Variants in ZSCAN25 observed in about 807,000 individuals in gnomAD.
ZSCAN25 encodes zinc finger and SCAN domain containing 25, also known as zinc finger and SCAN domain-containing protein 25.
Under a neutral mutation model 38.7 loss-of-function variants are expected in ZSCAN25, and 27 were observed. The ratio of observed to expected loss-of-function variants is 0.70; its 90% CI spans 0.51 to 0.96. The LOEUF is 0.96. ZSCAN25 is among the 40% of genes least tolerant of loss of function. The probability of loss-of-function intolerance (pLI) is 0.00; values close to 1 mark genes in which losing one functional copy is unlikely to be tolerated. For synonymous variants in ZSCAN25, 273 were observed against 277.7 expected, an observed-to-expected ratio of 0.98 and a Z score of 0.17; for missense variants, 637 against 705.9, an observed-to-expected ratio of 0.90 and a Z score of 1.11.
the ZSCAN25 span, chr7:99,652,423 T>A: frequency 6.7e-5 from 41 of 613,388 alleles, no homozygotes; most frequent in East Asian, 1.2e-4. Context: ...TAATTATCAC[T>A]TTTTTGTGAT....
Position 99,629,701 on chromosome 7 carries a change from G to C in ZSCAN25, c.1316G>C (p.Ser439Thr), listed in dbSNP as rs1437018007. ...KPYKCGDCWK[S>T]FSRRQHLQVH... ...TACAAGTGCGGGGACTGCTGGAAGAGCTTCAGCCGCAGGCAGCACCTGCAG... is the reference window on the plus strand; with the variant it reads ...TACAAGTGCGGGGACTGCTGGAAGACCTTCAGCCGCAGGCAGCACCTGCAG... Residue 439 changes from serine to threonine, a missense_variant, in exon 8 of 8, where the codon AGC (serine) becomes ACC (threonine). Physicochemically the swap from Ser to Thr is moderately conservative, Grantham distance 58. Coordinates refer to ENST00000394152, the MANE Select transcript of ZSCAN25 (RefSeq NM_145115.3). The surrounding 1 kb of genome is among the most constrained non-coding windows in gnomAD (Gnocchi z 5.6). The C allele has an allele frequency of 6.2e-7, 1 of 1,613,876 alleles. No individual in the cohort carries two copies. Among genetic ancestry groups the C allele is most frequent in the Non-Finnish European group, 8.5e-7 (1 of 1,180,026 alleles).
the ZSCAN25 span, among the ~76,000 whole-genome samples, chr7:99,723,158 T>C: frequency 6.6e-6 from 1 of 152,170 alleles, no homozygotes. Flanking sequence ...GTTTCAGGCC[T>C]CTTAGCCCAA....
downstream of ZSCAN25, among the ~76,000 whole-genome samples, chr7:99,634,722 G>C (rs570750804): frequency 2.0e-5 from 3 of 152,292 alleles, no homozygotes; most frequent in South Asian, 6.2e-4. Flanking sequence ...GTGTGAACCC[G>C]GGAGGCGGAG....
At chr7:99,674,038 C>T in the ZSCAN25 span, among the ~76,000 whole-genome samples, 1 of 152,098 alleles carries the variant, frequency 6.6e-6, no homozygotes, top group African/African-American at 2.4e-5. Context: ...TTAACCCTGA[C>T]AAATAAATCC....
chr7:99,626,149 G>C (rs989364646), intron 7 of ZSCAN25, among the ~76,000 whole-genome samples: 4 of 152,240 alleles, frequency 2.6e-5, no homozygotes, highest in Non-Finnish European at 5.9e-5. Context: ...AAGGACTGGA[G>C]CAAGAACTCA....
chr7:99,713,600 G>A, the ZSCAN25 span: 1 of 1,608,920 alleles, frequency 6.2e-7, no homozygotes. Context: ...TTAATCAGAA[G>A]TGCAGTCCTC....
At chr7:99,665,300 TA>T in the ZSCAN25 span, 3 of 1,614,186 alleles carry the variant, frequency 1.9e-6, no homozygotes, top group Non-Finnish European at 2.5e-6. Flanking sequence ...ATCCATGCTG[TA>T]GGCCCCAAAG....
chr7:99,646,687 C>T, the ZSCAN25 span, among the ~76,000 whole-genome samples: 3 of 152,174 alleles, frequency 2.0e-5, no homozygotes, highest in Admixed American at 2.0e-4. Flanking sequence ...TGGTTCCCTT[C>T]AGTGGAAAAT....
chr7:99,652,448 G>T, the ZSCAN25 span: 15 of 737,026 alleles, frequency 2.0e-5, no homozygotes, highest in Admixed American at 5.7e-5. Context: ...AGACTTACAA[G>T]CAAATGATTG....
At chr7:99,678,455 G>A in the ZSCAN25 span, among the ~76,000 whole-genome samples, 6 of 152,138 alleles carry the variant, frequency 3.9e-5, no homozygotes, top group Non-Finnish European at 7.3e-5. Flanking sequence ...AGGTATATTC[G>A]AAAAGGAGTT....
rs779626800 is a variant in ZSCAN25 at position 99,629,957 on chromosome 7, C to T, written c.1572C>T (p.Asn524=). 4.3e-6 allele frequency: 7 copies of T among 1,611,358 alleles called. No homozygotes were observed. The highest frequency in any genetic ancestry group is 5.1e-6 in the Non-Finnish European group (6 of 1,178,662). The change falls in exon 8 of 8, where the codon AAC becomes AAT. Residue 524 remains asparagine (N), a synonymous_variant. Transcript: ENST00000394152. The surrounding 1 kb of genome is among the most constrained non-coding windows in gnomAD (Gnocchi z 5.6). The stretch of plus-strand genomic sequence containing the variant: ...GTCCTGCCTGCGGGCGAAGCTTCAA[C>T]CAGAGGTCCATCCTCAACCGGCACC... The part of the protein sequence containing the change: ...YHCPACGRSF[N]QRSILNRHQK...
At chr7:99,709,379 A>C in the ZSCAN25 span, 1 of 1,437,256 alleles carries the variant, frequency 7.0e-7, no homozygotes, top group African/African-American at 1.4e-5. Flanking sequence ...CTGGCAAAGG[A>C]TTGTAGCATT....
At chr7:99,645,144 C>T in the ZSCAN25 span, among the ~76,000 whole-genome samples, 3 of 152,176 alleles carry the variant, frequency 2.0e-5, no homozygotes, top group African/African-American at 4.8e-5. Flanking sequence ...GTGAGTGCCA[C>T]CACATGCAGC....
At chr7:99,698,484 A>C in the ZSCAN25 span, among the ~76,000 whole-genome samples, 2 of 152,148 alleles carry the variant, frequency 1.3e-5, no homozygotes, top group African/African-American at 4.8e-5. Context: ...TCACTAGCTC[A>C]CAGTATTGCT....
chr7:99,620,594 T>C (rs1806870257), intron 4 of ZSCAN25: 1 of 152,526 alleles, frequency 6.6e-6, no homozygotes, highest in African/African-American at 2.4e-5. Context: ...CCCGTCCTTC[T>C]GTAGTTCAGC....
intron 4 of ZSCAN25, chr7:99,620,201 TGAAGC>T: frequency 2.9e-6 from 2 of 694,902 alleles, no homozygotes; most frequent in Non-Finnish European, 2.3e-6. Flanking sequence ...CAGAAGGGCC[TGAAGC>T]CTCTGTTTGG....
intron 1 of ZSCAN25, among the ~76,000 whole-genome samples, chr7:99,617,763 A>G (rs1806595422): frequency 6.6e-6 from 1 of 152,152 alleles, no homozygotes; most frequent in South Asian, 2.1e-4. Context: ...AAAGAGTCAC[A>G]ATGGGTGGGG....
chr7:99,622,261 G>A, intron 5 of ZSCAN25: 1 of 441,466 alleles, frequency 2.3e-6, no homozygotes, highest in Non-Finnish European at 4.1e-6. Flanking sequence ...CTCATAGGAG[G>A]TTATTCCCAG....
At chr7:99,694,579 T>G in the ZSCAN25 span, among the ~76,000 whole-genome samples, 255 of 134,978 alleles carry the variant, frequency 1.9e-3, no homozygotes, top group South Asian at 3.8e-3. Flanking sequence ...CCAGGAATGT[T>G]TATCTTGGGG....
Sources: allele counts gnomAD v4.1 joint callset (sites outside exome capture counted in the v4.1 genomes callset), GRCh38; gene constraint gnomAD v4.1.1; non-coding constraint Gnocchi (gnomAD v3.1); transcripts MANE v1.5; gene names NCBI Gene and HGNC (gene_info 2026-07-23, HGNC 2026-07-21).